Variants in EBPL observed in about 807,000 individuals in gnomAD.
EBPL encodes emopamil-binding protein-like.
EBPL carries 20 observed loss-of-function variants against 19.0 expected under a neutral mutation model. The observed-to-expected ratio is 1.05, with a 90% confidence interval of 0.74 to 1.53. EBPL has a LOEUF of 1.53. EBPL is among the 40% of genes most tolerant of loss of function. The pLI is 0.00. For synonymous variants in EBPL, 107 were observed against 117.0 expected, an observed-to-expected ratio of 0.91 and a Z score of 0.55; for missense variants, 219 against 261.1, an observed-to-expected ratio of 0.84 and a Z score of 1.11.
At chr13:49,672,965 C>T (rs1337370472) in intron 1 of EBPL, among the ~76,000 whole-genome samples, 1 of 152,098 alleles carries the variant, frequency 6.6e-6, no homozygotes, top group Non-Finnish European at 1.5e-5. Context: ...GAGGCTGAGG[C>T]AGGAGAATCG....
chr13:49,691,227 G>A (rs1183295761), intron 1 of EBPL, 27 bp downstream of exon 1: 12 of 1,332,840 alleles, frequency 9.0e-6, no homozygotes, highest in East Asian at 5.8e-5. Flanking sequence ...GGGATGGGGA[G>A]TGCAGGGTCT....
At chr13:49,674,923 C>A (rs1953860194) in intron 1 of EBPL, among the ~76,000 whole-genome samples, 1 of 152,162 alleles carries the variant, frequency 6.6e-6, no homozygotes, top group Non-Finnish European at 1.5e-5. Context: ...ATTTCCAGAA[C>A]TCTTCATCTT....
rs756030861 is a variant in EBPL, at chr13:49,661,954, G to A, written c.381-746C>T. On this transcript the variant is annotated intron_variant, in intron 3 of 3. Transcript: ENST00000242827. ...TAAGGAAAGAAAAGGAAGGAAGGGA[G>A]GAGAGTTTATAGTCTCTGAGTCTGA... 2.9e-5 allele frequency: 44 copies of A among 1,532,806 alleles called. No individual in the cohort carries two copies. The Middle Eastern group carries it at 8.4e-4, about 29-fold the overall frequency. The allele number at this position is 1,532,806 out of a possible 1,614,324, so 95.0% of individuals were successfully genotyped here. A position where few individuals can be genotyped will look rare whatever the true frequency, so the allele number is the denominator to read the frequency against.
At chr13:49,666,711 CAAAAAAAA>C (rs35086927) in intron 2 of EBPL, among the ~76,000 whole-genome samples, 12 of 81,018 alleles carry the variant, frequency 1.5e-4, no homozygotes, top group African/African-American at 6.7e-4. Context: ...GACTCCGTCT[CAAAAAAAA>C]AAAAAAAAAA....
At chr13:49,675,619 T>C (rs1953866685) in intron 1 of EBPL, among the ~76,000 whole-genome samples, 1 of 152,262 alleles carries the variant, frequency 6.6e-6, no homozygotes, top group Non-Finnish European at 1.5e-5. Context: ...GTTTCCATTT[T>C]GGGGTTATTG....
chr13:49,684,071 A>G (rs769196083), intron 1 of EBPL, among the ~76,000 whole-genome samples: 2 of 152,218 alleles, frequency 1.3e-5, no homozygotes, highest in Non-Finnish European at 2.9e-5. Context: ...AACTTTAAAG[A>G]CAGAAGGCAG....
In EBPL at chr13:49,661,931, A is replaced by T. The variant is rs45475391; in HGVS notation, c.381-723T>A. 7,927 of 1,548,660 alleles carry T rather than the reference A, an allele frequency of 5.1e-3. 37 individuals carry two copies. The highest frequency in any genetic ancestry group is 6.4e-3 in the Non-Finnish European group (7,334 of 1,145,358). ...TTCACCCCAGGCCACTCTGTCCCTAAGGAAAGAAAAGGAAGGAAGGGAGGA... is the reference window on the plus strand; with the variant it reads ...TTCACCCCAGGCCACTCTGTCCCTATGGAAAGAAAAGGAAGGAAGGGAGGA... On this transcript the variant is annotated intron_variant, in intron 3 of 3. Coordinates refer to ENST00000242827, the MANE Select transcript of EBPL (RefSeq NM_032565.5).
chr13:49,673,139 C>T (rs139894446), intron 1 of EBPL, among the ~76,000 whole-genome samples: 222 of 152,048 alleles, frequency 1.5e-3, no homozygotes, highest in African/African-American at 4.7e-3. Context: ...CTGGCAACAT[C>T]GAATACTGGT....
intron 1 of EBPL, among the ~76,000 whole-genome samples, chr13:49,675,878 G>GTTT (rs11395508): frequency 1.4e-5 from 2 of 146,018 alleles, no homozygotes; most frequent in South Asian, 2.1e-4. Flanking sequence ...TGTTGTTATT[G>GTTT]TTTTTTTTTT....
At chr13:49,678,003 A>C (rs574933944) in intron 1 of EBPL, among the ~76,000 whole-genome samples, 1 of 137,910 alleles carries the variant, frequency 7.3e-6, no homozygotes, top group African/African-American at 2.5e-5. Flanking sequence ...GCTAAAGAAC[A>C]AAGACTCCAC....
intron 1 of EBPL, among the ~76,000 whole-genome samples, chr13:49,688,266 G>A (rs1359822823): frequency 6.6e-6 from 1 of 152,168 alleles, no homozygotes; most frequent in East Asian, 1.9e-4. Context: ...GTCATAACGA[G>A]CTGAACTGAT....
At chr13:49,689,284 G>A (rs959653364) in intron 1 of EBPL, among the ~76,000 whole-genome samples, 5 of 152,198 alleles carry the variant, frequency 3.3e-5, no homozygotes, top group African/African-American at 7.2e-5. Flanking sequence ...CTTAAACCAA[G>A]TGGTGAACAC....
intron 3 of EBPL, chr13:49,662,060 C>A: frequency 2.5e-6 from 2 of 795,484 alleles, no homozygotes; most frequent in Non-Finnish European, 4.1e-6. Flanking sequence ...GTGGCACGAA[C>A]GTGGCTCACT....
chr13:49,679,612 C>T (rs1289535965), intron 1 of EBPL, among the ~76,000 whole-genome samples: 2 of 152,226 alleles, frequency 1.3e-5, no homozygotes, highest in African/African-American at 4.8e-5. Flanking sequence ...AGCAATCCTC[C>T]TGTCTCAGCC....
Position 49,691,461 on chromosome 13 carries a change from C to A in EBPL, c.-37G>T. On this transcript the variant is annotated 5_prime_UTR_variant, in exon 1 of 4. Transcript: ENST00000242827. ...CCGACGCCAACGGCCCAGGACCATGCGGCAGAGGAAAGCAGGGAGAGAAAC... is the reference window on the plus strand; with the variant it reads ...CCGACGCCAACGGCCCAGGACCATGAGGCAGAGGAAAGCAGGGAGAGAAAC... The A allele has an allele frequency of 3.1e-6, 4 of 1,297,048 alleles. No homozygotes were observed. The highest frequency in any genetic ancestry group is 2.9e-6 in the Non-Finnish European group (3 of 1,021,054). 80.3% of individuals were successfully genotyped at this position (1,297,048 alleles called of 1,614,324 possible).
intron 1 of EBPL, among the ~76,000 whole-genome samples, chr13:49,678,072 C>T (rs1485229549): frequency 1.3e-5 from 2 of 152,184 alleles, no homozygotes; most frequent in Non-Finnish European, 2.9e-5. Context: ...TGCTTTTATT[C>T]CCTTATCTGA....
At chr13:49,686,399 A>C (rs1022086251) in intron 1 of EBPL, 9 of 1,227,536 alleles carry the variant, frequency 7.3e-6, no homozygotes, top group Admixed American at 3.0e-5. Flanking sequence ...CCTGGCCTAT[A>C]AGCCTTTGGC....
intron 1 of EBPL, among the ~76,000 whole-genome samples, chr13:49,686,829 T>C (rs905918005): frequency 6.6e-6 from 1 of 152,168 alleles, no homozygotes; most frequent in African/African-American, 2.4e-5. Context: ...GGGGTCTCAC[T>C]CTGTCACCTA....
Position 49,691,329 on chromosome 13 carries a change from C to G in EBPL, c.96G>C (p.Leu32=). The G allele has an allele frequency of 7.3e-7, 1 of 1,367,468 alleles. No individual in the cohort carries two copies. The highest frequency in any genetic ancestry group is 1.9e-5 in the South Asian group (1 of 53,596). The allele number at this position is 1,367,468 out of a possible 1,614,324, so 84.7% of individuals were successfully genotyped here. The change falls in exon 1 of 4, where the codon CTG becomes CTC. Residue 32 remains leucine, a synonymous_variant. Coordinates refer to ENST00000242827, the MANE Select transcript of EBPL (RefSeq NM_032565.5). ...LAAGCALGLR[L]GRGQGAADRG... ...GGTCCGCCGCCCCCTGCCCGCGGCC[C>G]AGGCGCAGGCCCAGGGCGCAGCCCG...
Sources: gnomAD v4.1 joint callset for allele counts (sites outside exome capture counted in the v4.1 genomes callset) on GRCh38, gnomAD v4.1.1 for gene constraint, MANE v1.5 for transcripts, NCBI Gene and HGNC (gene_info 2026-07-23, HGNC 2026-07-21) for gene names.